PLEKHA6: variants seen among roughly 807,000 people sequenced by gnomAD.
The protein encoded by PLEKHA6 is pleckstrin homology domain-containing family A member 6.
PLEKHA6 carries 60 observed loss-of-function variants against 116.7 expected under a neutral mutation model. The ratio of observed to expected loss-of-function variants is 0.51; its 90% CI spans 0.42 to 0.64. PLEKHA6 has a LOEUF of 0.64. PLEKHA6 is among the 30% of genes least tolerant of loss of function. PLEKHA6 has a pLI of 0.00. For missense variants in PLEKHA6, 1,338 were observed against 1,422.7 expected (o/e 0.94, Z 0.96); for synonymous variants, 489 against 556.1 (o/e 0.88, Z 1.70).
intron 18 of PLEKHA6, among the ~76,000 whole-genome samples, chr1:204,230,157 G>A (rs140697812): frequency 6.6e-6 from 1 of 152,240 alleles, no homozygotes; most frequent in Non-Finnish European, 1.5e-5. Flanking sequence ...AGTGAATTTT[G>A]TATAATTCAT....
At chr1:204,323,403 C>T (rs1342450533) in intron 1 of PLEKHA6, among the ~76,000 whole-genome samples, 2 of 152,260 alleles carry the variant, frequency 1.3e-5, no homozygotes, top group African/African-American at 4.8e-5. Flanking sequence ...TAGATCCCAG[C>T]TGGTTACCAG....
chr1:204,356,173 T>C (rs1673410715), intron 1 of PLEKHA6, among the ~76,000 whole-genome samples: 3 of 152,376 alleles, frequency 2.0e-5, no homozygotes, highest in Non-Finnish European at 4.4e-5. Context: ...CATTGTAGCC[T>C]TGTTTATAAA....
chr1:204,334,330 G>C (rs79895054), intron 1 of PLEKHA6, among the ~76,000 whole-genome samples: 3,401 of 152,256 alleles, frequency 0.022, 118 homozygotes, highest in African/African-American at 0.076. Flanking sequence ...TTTGTCCTAA[G>C]AGAGGGAGTC....
At position 204,365,781 on chromosome 1, in the gene PLEKHA6, AG is replaced by A. The variant is rs1196385106; in HGVS notation, c.218+2017del. 3.3e-5 allele frequency among the ~76,000 whole-genome samples: 5 copies of A among 152,346 alleles called. No homozygotes were observed. In the East Asian group the frequency reaches 9.6e-4, roughly 29 times the overall value. On this transcript the variant is annotated intron_variant, in intron 3 of 4. Transcript: ENST00000564627. ...AATCTGCTCCCAGGACTTACACAGC[AG>A]TGGGGGGACCAGAAATACATAACCA...
intron 1 of PLEKHA6, among the ~76,000 whole-genome samples, chr1:204,329,565 G>A (rs767966992): frequency 6.6e-5 from 10 of 152,178 alleles, no homozygotes; most frequent in South Asian, 2.1e-4. Flanking sequence ...ACCAGACATC[G>A]TGTGCCTCCT....
At chr1:204,333,162 A>C (rs1392533525) in intron 1 of PLEKHA6, among the ~76,000 whole-genome samples, 3 of 152,170 alleles carry the variant, frequency 2.0e-5, no homozygotes, top group African/African-American at 7.2e-5. Context: ...GGAAATGAAA[A>C]CTGGCTGAGT....
At chr1:204,327,780 G>A (rs1672293902) in intron 1 of PLEKHA6, among the ~76,000 whole-genome samples, 1 of 152,232 alleles carries the variant, frequency 6.6e-6, no homozygotes, top group African/African-American at 2.4e-5. Context: ...AAATACAAGA[G>A]CAAGTATAAG....
chr1:204,350,710 G>A (rs1279081065), intron 1 of PLEKHA6, among the ~76,000 whole-genome samples: 1 of 152,180 alleles, frequency 6.6e-6, no homozygotes, highest in African/African-American at 2.4e-5. Context: ...GGGGGCGGGG[G>A]GAGGACCAGG....
intron 5 of PLEKHA6, 141 bp downstream of exon 5, chr1:204,267,334 T>C: frequency 1.4e-6 from 1 of 715,366 alleles, no homozygotes; most frequent in Admixed American, 2.0e-5. Flanking sequence ...TTTATCCTGC[T>C]GCCACTGGTG....
upstream of PLEKHA6, chr1:204,377,758 C>G (rs1204593904): frequency 6.6e-6 from 1 of 150,446 alleles, no homozygotes; most frequent in Non-Finnish European, 1.5e-5. Flanking sequence ...TTGCTGCCCC[C>G]TTCCAGAGGC....
Position 204,228,182 on chromosome 1 carries a change from G to A in PLEKHA6, c.2932C>T (p.Pro978Ser). Residue 978 changes from proline (P) to serine (S), a missense_variant, in exon 21 of 23, where the codon CCC becomes TCC. Pro to Ser is a moderately conservative substitution (Grantham distance 74). Around this residue, in one of 3 missense-constraint regions of PLEKHA6, gnomAD observed 1,136 missense variants for 1,163.6 expected, o/e 0.98. Transcript: ENST00000272203. This position sits in a 1 kb window ranked among gnomAD's most constrained non-coding sequence, Gnocchi z 4.0. ...TGCAGCTGGCTCTCTGAGTCCTGGG[G>A]CACGTCCACAGAGTCCCCCTCGCCG... Reference protein sequence around the residue: ...PIGEGDSVDVPQDSESQLQEQ... With the variant: ...PIGEGDSVDVSQDSESQLQEQ... 1 of 1,612,880 alleles carries A rather than the reference G, an allele frequency of 6.2e-7. No homozygotes were observed. Among genetic ancestry groups the A allele is most frequent in the Non-Finnish European group, 8.5e-7 (1 of 1,179,212 alleles).
At chr1:204,310,199 AC>A (rs1435519341) in intron 1 of PLEKHA6, among the ~76,000 whole-genome samples, 1 of 152,004 alleles carries the variant, frequency 6.6e-6, no homozygotes, top group Non-Finnish European at 1.5e-5. Flanking sequence ...CAAGGAGGGG[AC>A]TGGGCATAGA....
In PLEKHA6 at chr1:204,377,582, C is replaced by T. The variant is rs2103426876; in HGVS notation, c.83+1G>A. 1 of 152,418 alleles carries T rather than the reference C, an allele frequency of 6.6e-6. No homozygotes were observed. Among genetic ancestry groups the T allele is most frequent in the African/African-American group, 2.4e-5 (1 of 41,588 alleles). 9.4% of individuals were successfully genotyped at this position (152,418 alleles called of 1,614,324 possible). On this transcript the variant is annotated splice_donor_variant, in intron 1 of 4. Transcript: ENST00000564627. LOFTEE classifies it high-confidence loss of function. Reference sequence around the variant, plus strand: ...TAAAAAGAAGAGCGAGACCAACATACTTGATGAAGAAGATTCTCCCACCGC... The same window carrying T: ...TAAAAAGAAGAGCGAGACCAACATATTTGATGAAGAAGATTCTCCCACCGC...
intron 1 of PLEKHA6, among the ~76,000 whole-genome samples, chr1:204,298,933 C>A: frequency 6.6e-6 from 1 of 152,230 alleles, no homozygotes. Flanking sequence ...GACCAGGAAG[C>A]TGAAAGTCCT....
chr1:204,259,278 G>T lies in PLEKHA6; in HGVS notation c.987C>A (p.Pro329=). The T allele has an allele frequency of 1.9e-6, 3 of 1,613,872 alleles. No homozygotes were observed. The highest frequency in any genetic ancestry group is 2.5e-6 in the Non-Finnish European group (3 of 1,179,932). The change falls in exon 8 of 23, where the codon CCC becomes CCA. Residue 329 remains proline, a synonymous_variant. Coordinates refer to ENST00000272203, the MANE Select transcript of PLEKHA6 (RefSeq NM_014935.5). The surrounding 1 kb of genome is among the most constrained non-coding windows in gnomAD (Gnocchi z 4.6). ...CTCACCTCCGAAGGTCTTCAGGCGG[G>T]GGTACCCCCCGGCGCAGATTCACCC... ...QQWVNLRRGV[P]PPEDLRSPSR...
At chr1:204,265,775 T>C (rs983305081) in intron 5 of PLEKHA6, among the ~76,000 whole-genome samples, 1 of 152,120 alleles carries the variant, frequency 6.6e-6, no homozygotes, top group African/African-American at 2.4e-5. Flanking sequence ...AGGTTCTATG[T>C]CTCCACAGGA....
intron 1 of PLEKHA6, among the ~76,000 whole-genome samples, chr1:204,314,558 G>C (rs1348998853): frequency 6.6e-6 from 1 of 152,202 alleles, no homozygotes; most frequent in East Asian, 1.9e-4. Flanking sequence ...GAGGGGAATA[G>C]ACAGACACCT....
At chr1:204,249,161 T>G in intron 11 of PLEKHA6, 23 bp downstream of exon 11, 1 of 1,602,550 alleles carries the variant, frequency 6.2e-7, no homozygotes, top group Non-Finnish European at 8.5e-7. Flanking sequence ...TGCCCCAGCT[T>G]AAAGCCACCC....
intron 1 of PLEKHA6, among the ~76,000 whole-genome samples, chr1:204,299,207 T>C (rs1670577795): frequency 6.6e-6 from 1 of 152,140 alleles, no homozygotes; most frequent in Admixed American, 6.5e-5. Context: ...AAAGTCTCCA[T>C]CTAGACTTTG....
Sources: allele counts gnomAD v4.1 joint callset (sites outside exome capture counted in the v4.1 genomes callset), GRCh38; gene constraint gnomAD v4.1.1; regional missense constraint gnomAD v4.1.1; non-coding constraint Gnocchi (gnomAD v3.1); transcripts MANE v1.5; gene names NCBI Gene and HGNC (gene_info 2026-07-23, HGNC 2026-07-21).